EPHA5: variants seen among roughly 807,000 people sequenced by gnomAD.
The protein encoded by EPHA5 is EPH receptor A5.
A neutral mutation model predicts 105.0 loss-of-function variants in EPHA5; 60 were observed. The observed-to-expected ratio is 0.57, with a 90% CI of 0.46 to 0.71. The LOEUF (loss-of-function observed/expected upper bound fraction) is 0.71. Ranked by LOEUF, EPHA5 falls within the 30% of genes least tolerant of loss-of-function variation. The pLI, the probability that EPHA5 is intolerant of heterozygous loss-of-function variation, is 0.00. For synonymous variants in EPHA5, 513 were observed against 449.1 expected, an observed-to-expected ratio of 1.14 and a Z score of -1.80; for missense variants, 1,218 against 1,274.7, an observed-to-expected ratio of 0.96 and a Z score of 0.68.
At chr4:65,331,935 C>A (rs1186985357) in intron 16 of EPHA5, 38 bp downstream of exon 16, 1 of 1,565,922 alleles carries the variant, frequency 6.4e-7, no homozygotes, top group Non-Finnish European at 8.6e-7. Flanking sequence ...TTTTCTTGCC[C>A]CAGCAATTAT....
At chr4:65,331,900 T>C in intron 16 of EPHA5, 73 bp downstream of exon 16, 1 of 1,534,326 alleles carries the variant, frequency 6.5e-7, no homozygotes, top group Non-Finnish European at 8.7e-7. Context: ...TTCCCTTACC[T>C]CATCCAGATT....
At chr4:65,461,825 ATAT>A (rs1286751465) in intron 5 of EPHA5, among the ~76,000 whole-genome samples, 4 of 152,084 alleles carry the variant, frequency 2.6e-5, no homozygotes, top group Admixed American at 6.6e-5. Flanking sequence ...AGACATGAAA[ATAT>A]TGTGAAATAT....
At chr4:65,540,859 AT>A (rs1192518697) in intron 3 of EPHA5, among the ~76,000 whole-genome samples, 3 of 97,204 alleles carry the variant, frequency 3.1e-5, no homozygotes, top group Non-Finnish European at 6.8e-5. Flanking sequence ...ATAGCAGTCA[AT>A]TTTATAAAAA....
At chr4:65,570,083 G>C (rs1274237444) in intron 3 of EPHA5, among the ~76,000 whole-genome samples, 2 of 151,640 alleles carry the variant, frequency 1.3e-5, no homozygotes, top group Admixed American at 1.3e-4. Context: ...AAAGAAGCTA[G>C]ATCACTGGGC....
At chr4:65,576,042 GAAAGAAAGAAAGAAAGAAAAGAAAAGA>G (rs1560720919) in intron 3 of EPHA5, among the ~76,000 whole-genome samples, 7 of 61,440 alleles carry the variant, frequency 1.1e-4, no homozygotes, top group African/African-American at 2.5e-4. Flanking sequence ...AAGAAAGAAA[GAAAGAAAGAAAGAAAGAAAAGAAAAGA>G]AAAGAAAAGA....
intron 3 of EPHA5, among the ~76,000 whole-genome samples, chr4:65,566,961 A>T (rs1739604019): frequency 6.6e-6 from 1 of 151,580 alleles, no homozygotes; most frequent in Admixed American, 6.6e-5. Flanking sequence ...TCAACCTCTT[A>T]TAGGTCTTAT....
chr4:65,565,407 G>C (rs185238770), intron 3 of EPHA5, among the ~76,000 whole-genome samples: 2 of 151,330 alleles, frequency 1.3e-5, no homozygotes, highest in South Asian at 4.2e-4. Flanking sequence ...CATGCGAAAG[G>C]GACTCACAAA....
intron 5 of EPHA5, among the ~76,000 whole-genome samples, chr4:65,488,108 A>C (rs1731055446): frequency 6.6e-6 from 1 of 152,194 alleles, no homozygotes; most frequent in Non-Finnish European, 1.5e-5. Context: ...GTTTTACAAG[A>C]CACCTATGTC....
rs1336398487 is a variant in EPHA5, at chr4:65,320,038, AAC to A, written c.*4074_*4075del. 41 of 230,244 alleles carry A rather than the reference AAC, an allele frequency of 1.8e-4. No homozygotes were observed. In the Middle Eastern group the frequency reaches 3.9e-3, roughly 22 times the overall value. The allele number at this position is 230,244 out of a possible 1,614,324, so 14.3% of individuals were successfully genotyped here. A position where few individuals can be genotyped will look rare whatever the true frequency, so the allele number is the denominator to read the frequency against. ...ACAACATTTGATTCTGATTATTATA[AAC>A]AGACTTTTTTTCTTTTAAAAGAATT... is the stretch of plus-strand genomic sequence containing the variant. On this transcript the variant is annotated 3_prime_UTR_variant, in exon 17 of 17. Transcript: ENST00000613740.
intron 3 of EPHA5, among the ~76,000 whole-genome samples, chr4:65,527,862 G>A (rs915898393): frequency 6.6e-6 from 1 of 151,954 alleles, no homozygotes; most frequent in African/African-American, 2.4e-5. Flanking sequence ...CTCTCCGAAA[G>A]GCCCCAGTGA....
intron 5 of EPHA5, among the ~76,000 whole-genome samples, chr4:65,450,778 G>T: frequency 6.6e-6 from 1 of 152,048 alleles, no homozygotes; most frequent in East Asian, 1.9e-4. Context: ...TGATTAGTTT[G>T]TTCACAATCT....
chr4:65,590,985 A>T (rs1742583958), intron 3 of EPHA5, among the ~76,000 whole-genome samples: 1 of 152,102 alleles, frequency 6.6e-6, no homozygotes, highest in South Asian at 2.1e-4. Context: ...AAATTAAAAT[A>T]TGGTGGTTGT....
At chr4:65,350,128 T>C (rs1722672474) in intron 13 of EPHA5, among the ~76,000 whole-genome samples, 3 of 152,130 alleles carry the variant, frequency 2.0e-5, no homozygotes, top group Admixed American at 1.3e-4. Flanking sequence ...CAATGGATAG[T>C]TGTATAACCT....
intron 1 of EPHA5, among the ~76,000 whole-genome samples, chr4:65,665,210 C>T (rs1037731471): frequency 6.6e-6 from 1 of 151,692 alleles, no homozygotes; most frequent in African/African-American, 2.4e-5. Flanking sequence ...TTTTTACAGT[C>T]AAAGGTAGAA....
intron 14 of EPHA5, among the ~76,000 whole-genome samples, chr4:65,340,213 A>G (rs932321042): frequency 6.6e-6 from 1 of 152,150 alleles, no homozygotes; most frequent in Non-Finnish European, 1.5e-5. Flanking sequence ...TCCAGAAGCA[A>G]CAAGACACAG....
At chr4:65,457,715 C>A (rs537454795) in intron 5 of EPHA5, among the ~76,000 whole-genome samples, 1 of 152,034 alleles carries the variant, frequency 6.6e-6, no homozygotes, top group South Asian at 2.1e-4. Flanking sequence ...CACAGCTAAG[C>A]ACCTACTACA....
chr4:65,542,693 A>G (rs1227925801), intron 3 of EPHA5, among the ~76,000 whole-genome samples: 2 of 151,980 alleles, frequency 1.3e-5, no homozygotes, highest in Non-Finnish European at 2.9e-5. Flanking sequence ...ACAATTGAAA[A>G]TAAGGGACTC....
At chr4:65,593,577 G>A (rs1054412224) in intron 3 of EPHA5, among the ~76,000 whole-genome samples, 9 of 152,228 alleles carry the variant, frequency 5.9e-5, no homozygotes, top group African/African-American at 1.4e-4. Context: ...AAATTCCCAG[G>A]TGATGCCAAT....
At chr4:65,459,830 T>TA (rs1560560259) in intron 5 of EPHA5, among the ~76,000 whole-genome samples, 1 of 151,758 alleles carries the variant, frequency 6.6e-6, no homozygotes, top group South Asian at 2.1e-4. Context: ...AAAGGAAATC[T>TA]AAAAAAGAAG....
Sources: gnomAD v4.1 joint callset for allele counts (sites outside exome capture counted in the v4.1 genomes callset) on GRCh38, gnomAD v4.1.1 for gene constraint, MANE v1.5 for transcripts, NCBI Gene and HGNC (gene_info 2026-07-23, HGNC 2026-07-21) for gene names.